The following KCNJ12 variants were observed in gnomAD, a reference collection of about 807,000 sequenced individuals.
KCNJ12 encodes the protein ATP-sensitive inward rectifier potassium channel 12.
Under a neutral mutation model 22.3 loss-of-function variants are expected in KCNJ12, and 2 were observed. The ratio of observed to expected loss-of-function variants is 0.09; its 90% CI spans 0.04 to 0.28. KCNJ12 has a LOEUF of 0.28. KCNJ12 is among the 10% of genes least tolerant of loss of function. The pLI is 1.00. For synonymous variants in KCNJ12, 117 were observed against 261.4 expected (o/e 0.45, Z 5.33); for missense variants, 155 against 633.3 (o/e 0.24, Z 8.11).
intron 1 of KCNJ12, among the ~76,000 whole-genome samples, chr17:21,395,568 C>CAAAAAAAAA (rs10652801): frequency 7.1e-4 from 34 of 48,108 alleles, no homozygotes; most frequent in African/African-American, 1.8e-3. Flanking sequence ...GACTTCTTCT[C>CAAAAAAAAA]AAAAAAAAAA....
At chr17:21,409,547 G>A (rs1906198141) in intron 2 of KCNJ12, among the ~76,000 whole-genome samples, 1 of 152,312 alleles carries the variant, frequency 6.6e-6, no homozygotes, top group African/African-American at 2.4e-5. Context: ...GACTCCCGCT[G>A]GGGAGGCCAG....
intron 1 of KCNJ12, among the ~76,000 whole-genome samples, chr17:21,388,426 C>G (rs28670596): frequency 0.25 from 38,496 of 152,160 alleles, 6,940 homozygotes; most frequent in African/African-American, 0.52. Flanking sequence ...CCTTGCCACA[C>G]CCTAGTCCCT....
At chr17:21,382,707 G>A (rs782078883) in intron 1 of KCNJ12, among the ~76,000 whole-genome samples, 1 of 152,140 alleles carries the variant, frequency 6.6e-6, no homozygotes, top group Non-Finnish European at 1.5e-5. Context: ...CCTTTTGTGG[G>A]GAGCAGATAG....
chr17:21,391,790 A>G (rs1391759952), intron 1 of KCNJ12, among the ~76,000 whole-genome samples: 1 of 151,932 alleles, frequency 6.6e-6, no homozygotes, highest in Non-Finnish European at 1.5e-5. Context: ...GCTCCCATCT[A>G]CCTCGAGCCT....
At chr17:21,400,520 G>T (rs1226227930) in intron 1 of KCNJ12, among the ~76,000 whole-genome samples, 3 of 152,302 alleles carry the variant, frequency 2.0e-5, no homozygotes, top group Admixed American at 6.5e-5. Flanking sequence ...GCTACACCCC[G>T]CACAGAGCCT....
At chr17:21,410,155 T>A (rs1448552198) in intron 2 of KCNJ12, among the ~76,000 whole-genome samples, 1 of 152,066 alleles carries the variant, frequency 6.6e-6, no homozygotes, top group African/African-American at 2.4e-5. Flanking sequence ...GGAGTGCCCC[T>A]CCTGGCTGCC....
chr17:21,400,968 C>A (rs1201245281), intron 1 of KCNJ12, among the ~76,000 whole-genome samples: 54 of 152,414 alleles, frequency 3.5e-4, no homozygotes, highest in African/African-American at 1.2e-3. Flanking sequence ...TGCTATAGGG[C>A]CTGGGGTGAG....
At position 21,417,752 on chromosome 17, in the gene KCNJ12, A is replaced by G. The variant is rs78581302; in HGVS notation, c.*1108A>G. 2 of 80,384 alleles carry G rather than the reference A, an allele frequency of 2.5e-5. No homozygotes were observed. Among genetic ancestry groups the G allele is most frequent in the Non-Finnish European group, 2.8e-5 (1 of 35,146 alleles). 5.0% of individuals were successfully genotyped at this position (80,384 alleles called of 1,614,324 possible). On this transcript the variant is annotated 3_prime_UTR_variant, in exon 3 of 3. Coordinates refer to ENST00000583088, the MANE Select transcript of KCNJ12 (RefSeq NM_021012.5). ...CCCACCCCACCCCTCCCATACCTCC[A>G]CTGCTGAAGTTCCTCCAGCCCCTCT...
intron 2 of KCNJ12, among the ~76,000 whole-genome samples, chr17:21,412,026 T>TCA (rs1411170778): frequency 2.0e-5 from 3 of 147,548 alleles, no homozygotes; most frequent in African/African-American, 7.4e-5. Flanking sequence ...TCTCTCTCTC[T>TCA]CTCACACACA....
At chr17:21,393,047 T>C (rs546937008) in intron 1 of KCNJ12, among the ~76,000 whole-genome samples, 1 of 152,270 alleles carries the variant, frequency 6.6e-6, no homozygotes, top group African/African-American at 2.4e-5. Flanking sequence ...GGGCCGAGGC[T>C]GTTCCCAGGC....
intron 1 of KCNJ12, among the ~76,000 whole-genome samples, chr17:21,403,551 T>TA (rs1194976652): frequency 3.3e-5 from 5 of 152,216 alleles, no homozygotes; most frequent in Non-Finnish European, 5.9e-5. Context: ...AATTTACAGC[T>TA]GTATGAAAAT....
chr17:21,395,064 G>T (rs1905307096), intron 1 of KCNJ12, among the ~76,000 whole-genome samples: 1 of 151,918 alleles, frequency 6.6e-6, no homozygotes, highest in South Asian at 2.1e-4. Context: ...TTGGGAGGCT[G>T]AGGCAGGAGG....
At chr17:21,377,445 A>C (rs1904702287) in intron 1 of KCNJ12, among the ~76,000 whole-genome samples, 2 of 152,164 alleles carry the variant, frequency 1.3e-5, no homozygotes, top group South Asian at 4.1e-4. Flanking sequence ...TAATGGAGTA[A>C]AAATATTCTG....
intron 1 of KCNJ12, among the ~76,000 whole-genome samples, chr17:21,396,596 C>G (rs1185983733): frequency 6.6e-6 from 1 of 151,952 alleles, no homozygotes; most frequent in Non-Finnish European, 1.5e-5. Context: ...TATGGGATGC[C>G]CGGTGTGGGT....
intron 1 of KCNJ12, among the ~76,000 whole-genome samples, chr17:21,384,630 CCTT>C (rs1309130508): frequency 1.3e-5 from 2 of 152,094 alleles, no homozygotes; most frequent in Admixed American, 1.3e-4. Context: ...CCACTGGGGT[CCTT>C]CTTCCTTTAG....
intron 1 of KCNJ12, among the ~76,000 whole-genome samples, chr17:21,399,918 C>T (rs1402284024): frequency 6.6e-6 from 1 of 152,202 alleles, no homozygotes; most frequent in African/African-American, 2.4e-5. Context: ...GACGAGTGTT[C>T]CTGACGCACA....
chr17:21,389,660 G>A (rs1241099225), intron 1 of KCNJ12, among the ~76,000 whole-genome samples: 1 of 152,112 alleles, frequency 6.6e-6, no homozygotes, highest in African/African-American at 2.4e-5. Context: ...GGGTGGGGGT[G>A]TGGTGGGGCA....
chr17:21,417,633 C>G lies in KCNJ12; in HGVS notation c.*989C>G, dbSNP rs546278312. 2 of 167,506 alleles carry G rather than the reference C, an allele frequency of 1.2e-5. No individual in the cohort carries two copies. Among genetic ancestry groups the G allele is most frequent in the Admixed American group, 6.5e-5 (1 of 15,310 alleles). 10.4% of individuals were successfully genotyped at this position (167,506 alleles called of 1,614,324 possible). ...TCCCAGGCTAGGAGGAAGCTGGCAGCCCCGTCCCCACTGGGCCCACAGTGT... is the reference window on the plus strand; with the variant it reads ...TCCCAGGCTAGGAGGAAGCTGGCAGGCCCGTCCCCACTGGGCCCACAGTGT... On this transcript the variant is annotated 3_prime_UTR_variant, in exon 3 of 3. Coordinates refer to ENST00000583088, the MANE Select transcript of KCNJ12 (RefSeq NM_021012.5).
In KCNJ12 at chr17:21,416,573, G is replaced by C; in HGVS notation, c.1231G>C (p.Asp411His). The change falls in exon 3 of 3, where the codon GAC (aspartate) becomes CAC (histidine). Residue 411 changes from aspartate to histidine, a missense_variant. Transcript: ENST00000583088. ...RDGLSPQARH[D>H]FDRLQAGGGV... is the part of the protein sequence containing the mutation. ...CGGCCTCAGCCCCCAGGCCAGGCAT[G>C]ACTTTGACAGACTCCAGGCTGGCGG... is the stretch of plus-strand genomic sequence containing the variant. 6.2e-7 allele frequency: 1 copy of C among 1,605,122 alleles called. No individual in the cohort carries two copies. Among genetic ancestry groups the C allele is most frequent in the Non-Finnish European group, 8.5e-7 (1 of 1,175,084 alleles).
Sources: gnomAD v4.1 joint callset for allele counts (sites outside exome capture counted in the v4.1 genomes callset) on GRCh38, gnomAD v4.1.1 for gene constraint, MANE v1.5 for transcripts, NCBI Gene and HGNC (gene_info 2026-07-23, HGNC 2026-07-21) for gene names.